The following CTDSPL variants were observed in gnomAD, a reference collection of about 807,000 sequenced individuals.
The protein encoded by CTDSPL is CTD small phosphatase like.
A neutral mutation model predicts 30.5 loss-of-function variants in CTDSPL; 8 were observed. The ratio of observed to expected loss-of-function variants is 0.26; its 90% CI spans 0.15 to 0.47. CTDSPL has a LOEUF of 0.47. Among genes scored for constraint, CTDSPL ranks in the 20% least tolerant of loss-of-function variants. The pLI is 0.99. For missense variants in CTDSPL, 248 were observed against 366.1 expected, an observed-to-expected ratio of 0.68 and a Z score of 2.63; for synonymous variants, 110 against 137.9, an observed-to-expected ratio of 0.80 and a Z score of 1.42.
At chr3:37,870,040 G>C (rs1465576008) in intron 1 of CTDSPL, among the ~76,000 whole-genome samples, 1 of 152,010 alleles carries the variant, frequency 6.6e-6, no homozygotes, top group Non-Finnish European at 1.5e-5. Context: ...TTGTCTGTAA[G>C]TGATGTTGGT....
intron 1 of CTDSPL, among the ~76,000 whole-genome samples, chr3:37,902,602 C>A (rs1698463590): frequency 6.6e-6 from 1 of 152,152 alleles, no homozygotes; most frequent in South Asian, 2.1e-4. Context: ...ATCTCTTTGC[C>A]CGCTTCTTCC....
intron 1 of CTDSPL, among the ~76,000 whole-genome samples, chr3:37,893,757 T>C (rs550441200): frequency 6.6e-6 from 1 of 152,304 alleles, no homozygotes; most frequent in East Asian, 1.9e-4. Flanking sequence ...CAGGGCGGTA[T>C]AGACCAGTAT....
intron 3 of CTDSPL, among the ~76,000 whole-genome samples, chr3:37,960,535 T>TACACACACACACAC (rs71288085): frequency 4.9e-4 from 8 of 16,288 alleles, no homozygotes; most frequent in Admixed American, 1.4e-3. Context: ...TATATATATA[T>TACACACACACACAC]ACACACACAC....
At chr3:37,915,655 G>A (rs949166783) in intron 1 of CTDSPL, among the ~76,000 whole-genome samples, 2 of 152,096 alleles carry the variant, frequency 1.3e-5, no homozygotes, top group Admixed American at 6.5e-5. Flanking sequence ...AGTTCTCTGA[G>A]AAACTTCAAT....
chr3:37,864,804 AAAAAT>A (rs2125585849), intron 1 of CTDSPL, among the ~76,000 whole-genome samples: 2 of 152,220 alleles, frequency 1.3e-5, no homozygotes, highest in South Asian at 4.2e-4. Context: ...ATTTTGTTTT[AAAAAT>A]ATTGGGCCTG....
chr3:37,945,634 T>C (rs1699026771), intron 1 of CTDSPL, among the ~76,000 whole-genome samples: 1 of 152,226 alleles, frequency 6.6e-6, no homozygotes, highest in Non-Finnish European at 1.5e-5. Flanking sequence ...TGAAATGAGA[T>C]GGCTGGTACT....
intron 1 of CTDSPL, among the ~76,000 whole-genome samples, chr3:37,892,785 G>A (rs894417646): frequency 7.9e-5 from 12 of 152,188 alleles, no homozygotes; most frequent in African/African-American, 2.9e-4. Flanking sequence ...GGGGGGGATA[G>A]TATAAGAAAG....
rs1310543624 is a variant in CTDSPL at position 37,981,216 on chromosome 3, CAGCTCAG to C, written c.*353_*359del. On this transcript the variant is annotated 3_prime_UTR_variant, in exon 8 of 8. Coordinates refer to ENST00000273179, the MANE Select transcript of CTDSPL (RefSeq NM_001008392.2). The stretch of plus-strand genomic sequence containing the variant: ...GCAGACCACCTGTCCCCTTCTATCC[CAGCTCAG>C]AGCAGCTGACCCAACTCAGAATCTC... 6.0e-6 allele frequency: 1 copy of C among 167,028 alleles called. No homozygotes were observed. Among genetic ancestry groups the C allele is most frequent in the African/African-American group, 2.4e-5 (1 of 41,734 alleles). The allele number at this position is 167,028 out of a possible 1,614,324, so 10.3% of individuals were successfully genotyped here. A position where few individuals can be genotyped will look rare whatever the true frequency, so the allele number is the denominator to read the frequency against.
At chr3:37,937,853 TCTGA>T (rs1269087327) in intron 1 of CTDSPL, among the ~76,000 whole-genome samples, 1 of 150,248 alleles carries the variant, frequency 6.7e-6, no homozygotes, top group African/African-American at 2.4e-5. Flanking sequence ...AGTTTAGGAG[TCTGA>T]CTGAAGTTTG....
chr3:37,929,323 A>C (rs1341134452), intron 1 of CTDSPL, among the ~76,000 whole-genome samples: 1 of 152,180 alleles, frequency 6.6e-6, no homozygotes, highest in Non-Finnish European at 1.5e-5. Flanking sequence ...CAAAAACAAA[A>C]GCCGTTTGGA....
chr3:37,954,178 C>T (rs561468231), intron 2 of CTDSPL, among the ~76,000 whole-genome samples: 12 of 152,304 alleles, frequency 7.9e-5, no homozygotes, highest in South Asian at 4.1e-4. Flanking sequence ...AGTACTCAGC[C>T]GTATCTATCA....
chr3:37,879,896 A>G (rs1005397214), intron 1 of CTDSPL, among the ~76,000 whole-genome samples: 1 of 151,768 alleles, frequency 6.6e-6, no homozygotes, highest in Non-Finnish European at 1.5e-5. Flanking sequence ...ATGAGCGTTT[A>G]ATAAACATTA....
chr3:37,882,190 C>T (rs1698213304), intron 1 of CTDSPL, among the ~76,000 whole-genome samples: 1 of 152,076 alleles, frequency 6.6e-6, no homozygotes, highest in Admixed American at 6.5e-5. Flanking sequence ...CGCCTGTAAT[C>T]CTAGCACTTT....
At chr3:37,949,447 TA>T (rs1167754766) in intron 2 of CTDSPL, among the ~76,000 whole-genome samples, 22 of 152,244 alleles carry the variant, frequency 1.4e-4, no homozygotes, top group African/African-American at 5.1e-4. Context: ...AACTATAGAA[TA>T]AATATGCAAT....
At chr3:37,914,303 T>A (rs1698619574) in intron 1 of CTDSPL, among the ~76,000 whole-genome samples, 2 of 152,226 alleles carry the variant, frequency 1.3e-5, no homozygotes, top group Admixed American at 1.3e-4. Flanking sequence ...TGTTTTGGAT[T>A]TTCTACACAT....
chr3:37,980,211 C>T (rs1372115597), intron 7 of CTDSPL, among the ~76,000 whole-genome samples: 1 of 152,152 alleles, frequency 6.6e-6, no homozygotes, highest in Non-Finnish European at 1.5e-5. Flanking sequence ...GAATGTTCTG[C>T]AATTTTAGAC....
chr3:37,919,321 A>G (rs1338696315), intron 1 of CTDSPL, among the ~76,000 whole-genome samples: 2 of 152,304 alleles, frequency 1.3e-5, no homozygotes, highest in Non-Finnish European at 2.9e-5. Flanking sequence ...CTGCTCTGAG[A>G]TGGGACCCCT....
chr3:37,943,220 C>T (rs781144129), intron 1 of CTDSPL, among the ~76,000 whole-genome samples: 1 of 150,274 alleles, frequency 6.7e-6, no homozygotes, highest in Non-Finnish European at 1.5e-5. Context: ...CAGTCAGACA[C>T]ACGTTCATTT....
chr3:37,887,305 T>A (rs985371546), intron 1 of CTDSPL, among the ~76,000 whole-genome samples: 1 of 152,204 alleles, frequency 6.6e-6, no homozygotes, highest in East Asian at 1.9e-4. Flanking sequence ...GCCAACTGTC[T>A]GCACCACAGG....
Sources: gnomAD v4.1 joint callset for allele counts (sites outside exome capture counted in the v4.1 genomes callset) on GRCh38, gnomAD v4.1.1 for gene constraint, MANE v1.5 for transcripts, NCBI Gene and HGNC (gene_info 2026-07-23, HGNC 2026-07-21) for gene names.